Variants in ZNF335 observed in about 807,000 individuals in gnomAD.
ZNF335 encodes NRC-interacting factor 1.
Under a neutral mutation model 145.6 loss-of-function variants are expected in ZNF335, and 84 were observed. The ratio of observed to expected loss-of-function variants is 0.58; its 90% CI spans 0.48 to 0.69. The LOEUF is 0.69. Among genes scored for constraint, ZNF335 ranks in the 30% least tolerant of loss-of-function variants. The probability of loss-of-function intolerance (pLI) is 0.00; values close to 1 mark genes in which losing one functional copy is unlikely to be tolerated. For missense variants in ZNF335, 1,865 were observed against 1,809.7 expected (o/e 1.03, Z -0.55); for synonymous variants, 761 against 717.0 (o/e 1.06, Z -0.98).
chr20:45,948,836 G>C lies in ZNF335; in HGVS notation c.*117C>G, dbSNP rs904636171. ...CAGGTCTGGCTCCCTGGGAATGAGA[G>C]GATGCTGGCTATCCAGTATCTGGAG... On this transcript the variant is annotated 3_prime_UTR_variant, in exon 28 of 28. Coordinates refer to ENST00000322927, the MANE Select transcript of ZNF335 (RefSeq NM_022095.4). 6.6e-7 allele frequency: 1 copy of C among 1,509,298 alleles called. No individual in the cohort carries two copies. Among genetic ancestry groups the C allele is most frequent in the Non-Finnish European group, 9.0e-7 (1 of 1,105,790 alleles). 93.5% of individuals were successfully genotyped at this position (1,509,298 alleles called of 1,614,324 possible).
At chr20:45,962,815 GT>G (rs371775914) in intron 9 of ZNF335, among the ~76,000 whole-genome samples, 47,268 of 91,596 alleles carry the variant, frequency 0.52, 9,788 homozygotes, top group Middle Eastern at 0.62. Context: ...TTTTTTTTTT[GT>G]TTGTTTGTTT....
At chr20:45,958,998 GT>G (rs2083776541) in intron 15 of ZNF335, among the ~76,000 whole-genome samples, 1 of 152,210 alleles carries the variant, frequency 6.6e-6, no homozygotes, top group Non-Finnish European at 1.5e-5. Context: ...TCACAGTTAA[GT>G]TACTGGTGTT....
chr20:45,969,739 G>A (rs375660289), intron 2 of ZNF335, 48 bp from the exon 3 acceptor site: 593 of 1,589,692 alleles, frequency 3.7e-4, no homozygotes, highest in Admixed American at 6.7e-4. Context: ...GCTGGGTATG[G>A]GGCAGGGCAG....
intron 20 of ZNF335, among the ~76,000 whole-genome samples, chr20:45,951,341 G>A (rs1273682694): frequency 3.9e-5 from 6 of 152,238 alleles, no homozygotes; most frequent in Admixed American, 2.6e-4. Flanking sequence ...CAAACAGGGA[G>A]GCCCCAAGCT....
chr20:45,957,539 G>T, intron 17 of ZNF335, 47 bp downstream of exon 17: 1 of 1,570,714 alleles, frequency 6.4e-7, no homozygotes, highest in East Asian at 2.2e-5. Flanking sequence ...TGCAGGGCTG[G>T]GTACCTGCGG....
In ZNF335 at chr20:45,968,274, TG is replaced by T; in HGVS notation, c.520+10del. 1.9e-6 allele frequency: 3 copies of T among 1,611,576 alleles called. No homozygotes were observed. Among genetic ancestry groups the T allele is most frequent in the Non-Finnish European group, 1.7e-6 (2 of 1,178,106 alleles). ...TGCAGGCCTCCCCGATTCTGGCACC[TG>T]GGGTCTTACCATCATCTGGGCCCTG... On this transcript the variant is annotated intron_variant, in intron 4 of 27. Coordinates refer to ENST00000322927, the MANE Select transcript of ZNF335 (RefSeq NM_022095.4).
Position 45,963,728 on chromosome 20 carries a change from C to T in ZNF335, c.1355+10G>A. ...CATGCATGCCCCACCCTCACCTCTG[C>T]TCCACATACTTGCGGTATTTCTTGC... On this transcript the variant is annotated intron_variant, in intron 8 of 27. Coordinates refer to ENST00000322927, the MANE Select transcript of ZNF335 (RefSeq NM_022095.4). 5.6e-6 allele frequency: 9 copies of T among 1,614,128 alleles called. No individual in the cohort carries two copies. Among genetic ancestry groups the T allele is most frequent in the Non-Finnish European group, 6.8e-6 (8 of 1,179,970 alleles).
intron 3 of ZNF335, chr20:45,968,565 C>G: frequency 2.0e-6 from 1 of 491,984 alleles, no homozygotes; most frequent in Admixed American, 3.2e-5. Context: ...GTGTGACATG[C>G]TGACTCAGCA....
intron 9 of ZNF335, among the ~76,000 whole-genome samples, chr20:45,962,801 G>GT (rs1445107629): frequency 0.026 from 2,464 of 93,188 alleles, 321 homozygotes; most frequent in African/African-American, 0.06. Flanking sequence ...AAAAGGAACC[G>GT]TTTTTTTTTT....
intron 9 of ZNF335, among the ~76,000 whole-genome samples, chr20:45,962,915 G>A (rs577400828): frequency 6.7e-6 from 1 of 149,732 alleles, no homozygotes; most frequent in Admixed American, 6.7e-5. Context: ...CCGGGTTCAA[G>A]CGATTCTCCT....
At chr20:45,971,115 G>A (rs942942631) in intron 2 of ZNF335, 95 bp downstream of exon 2, 2 of 1,435,380 alleles carry the variant, frequency 1.4e-6, no homozygotes, top group Non-Finnish European at 9.1e-7. Context: ...GAAACACCAA[G>A]TATTAGCTAC....
intron 9 of ZNF335, 56 bp from the exon 10 acceptor site, chr20:45,962,238 G>T (rs563465213): frequency 7.3e-7 from 1 of 1,377,648 alleles, no homozygotes; most frequent in Non-Finnish European, 1.0e-6. Flanking sequence ...TCCCATCCCC[G>T]TCCCCACCAT....
At position 45,957,899 on chromosome 20, in the gene ZNF335, T is replaced by C. The variant is rs1188115901; in HGVS notation, c.2283A>G (p.Ser761=). The C allele has an allele frequency of 2.5e-6, 4 of 1,614,072 alleles. No individual in the cohort carries two copies. The highest frequency in any genetic ancestry group is 2.2e-5 in the South Asian group (2 of 91,082). ...EIPPEATTFQ[S]SEAPSLLCSD... ...AACAGAGCAATGAGGGAGCCTCAGA[T>C]GACTGGAAAGTTGTCGCCTCTGGGG... Residue 761 remains serine, a synonymous_variant, in exon 16 of 28, where the codon TCA becomes TCG. Coordinates refer to ENST00000322927, the MANE Select transcript of ZNF335 (RefSeq NM_022095.4).
intron 14 of ZNF335, 51 bp from the exon 15 acceptor site, chr20:45,959,484 C>G: frequency 7.6e-7 from 1 of 1,315,628 alleles, no homozygotes; most frequent in Non-Finnish European, 1.0e-6. Flanking sequence ...CTAGCCTACC[C>G]CCTCCAGGAA....
chr20:45,971,314 C>G lies in ZNF335; in HGVS notation c.97G>C (p.Glu33Gln). 1 of 1,595,298 alleles carries G rather than the reference C, an allele frequency of 6.3e-7. No homozygotes were observed. The highest frequency in any genetic ancestry group is 1.1e-5 in the South Asian group (1 of 90,388). The stretch of plus-strand genomic sequence containing the variant: ...TCGCTGCTGTCGGCGGACACGGCTT[C>G]TGAGGTGCCCACACCCAGGCCGCTC... The part of the protein sequence containing the change: ...SESGLGVGTS[E>Q]AVSADSSDAA... The change falls in exon 2 of 28, where the codon GAA becomes CAA. Residue 33 changes from glutamate (E) to glutamine (Q), a missense_variant. Transcript: ENST00000322927.
intron 20 of ZNF335, 41 bp from the exon 21 acceptor site, chr20:45,950,636 A>G (rs1470626956): frequency 1.2e-6 from 2 of 1,600,122 alleles, no homozygotes; most frequent in Non-Finnish European, 1.7e-6. Flanking sequence ...CTGGGTCAGG[A>G]CAGATGGCAA....
intron 9 of ZNF335, 99 bp from the exon 10 acceptor site, chr20:45,962,281 A>T: frequency 1.1e-6 from 1 of 916,946 alleles, no homozygotes; most frequent in Non-Finnish European, 1.8e-6. Context: ...TTGCTGCGGG[A>T]GCAGCTCACA....
intron 9 of ZNF335, 141 bp from the exon 10 acceptor site, chr20:45,962,323 G>A (rs1050627423): frequency 1.5e-5 from 10 of 670,298 alleles, no homozygotes; most frequent in South Asian, 3.4e-5. Flanking sequence ...ACACCCCGAC[G>A]CAAGGGTCAA....
intron 1 of ZNF335, 134 bp from the exon 2 acceptor site, chr20:45,971,594 G>C (rs2084069283): frequency 1.4e-6 from 2 of 1,439,650 alleles, no homozygotes; most frequent in Admixed American, 5.4e-5. Context: ...GGAGCTTCCT[G>C]GTGTATTGCG....
Sources: gnomAD v4.1 joint callset for allele counts (sites outside exome capture counted in the v4.1 genomes callset) on GRCh38, gnomAD v4.1.1 for gene constraint, MANE v1.5 for transcripts, NCBI Gene and HGNC (gene_info 2026-07-23, HGNC 2026-07-21) for gene names.